RBFOX1: variants seen among roughly 807,000 people sequenced by gnomAD.
RBFOX1 encodes the protein RNA binding protein fox-1 homolog 1.
Under a neutral mutation model 57.7 loss-of-function variants are expected in RBFOX1, and 8 were observed. That is an observed-to-expected ratio of 0.14 (90% CI 0.08 to 0.25). The LOEUF is 0.25. RBFOX1 is among the 10% of genes least tolerant of loss of function. The pLI is 1.00. For synonymous variants in RBFOX1, 326 were observed against 222.4 expected (o/e 1.47, Z -4.15); for missense variants, 611 against 548.5 (o/e 1.11, Z -1.14).
In RBFOX1 at chr16:6,826,245, C is replaced by A. The variant is rs2092120953; in HGVS notation, c.-16+171595C>A. On this transcript the variant is annotated intron_variant, in intron 3 of 15. Coordinates refer to ENST00000550418, the MANE Select transcript of RBFOX1 (RefSeq NM_018723.4). ...GCTTAGAACAGACTGAGTGTGGTGC[C>A]TTGTACCTGTAATCCCAGCACTTTG... Among the ~76,000 whole-genome samples, 6 of 152,224 alleles carry A rather than the reference C, an allele frequency of 3.9e-5. No homozygotes were observed. The South Asian group carries it at 1.2e-3, about 32-fold the overall frequency.
intron 5 of RBFOX1, among the ~76,000 whole-genome samples, chr16:7,574,050 G>A (rs1008250791): frequency 2.6e-5 from 4 of 151,966 alleles, no homozygotes; most frequent in African/African-American, 4.8e-5. Context: ...TTGTCATAAC[G>A]TTCAGCAAGC....
intron 3 of RBFOX1, chr16:5,610,666 A>G (rs7205762): frequency 0.96 from 146,163 of 152,010 alleles, 70,292 homozygotes; most frequent in East Asian, 1. Context: ...ACATAGGGAT[A>G]CTTTGTCTCT....
intron 3 of RBFOX1, among the ~76,000 whole-genome samples, chr16:6,901,358 G>A (rs2068442176): frequency 6.6e-6 from 1 of 152,104 alleles, no homozygotes; most frequent in African/African-American, 2.4e-5. Context: ...GTCCCACCTA[G>A]CAAGGCCAGG....
chr16:6,370,925 A>G (rs12325024), intron 2 of RBFOX1, among the ~76,000 whole-genome samples: 132,999 of 152,244 alleles, frequency 0.87, 58,533 homozygotes, highest in African/African-American at 0.97. Flanking sequence ...AGAAAACACA[A>G]GGCAGTTATT....
chr16:5,464,419 A>G (rs1476821844), intron 1 of RBFOX1, among the ~76,000 whole-genome samples: 1 of 152,206 alleles, frequency 6.6e-6, no homozygotes, highest in Non-Finnish European at 1.5e-5. Flanking sequence ...GATGTCAGAG[A>G]GGGGACACGA....
chr16:6,298,281 G>C (rs1437274268), intron 1 of RBFOX1, among the ~76,000 whole-genome samples: 1 of 152,176 alleles, frequency 6.6e-6, no homozygotes, highest in Non-Finnish European at 1.5e-5. Flanking sequence ...GTCTGTGAAT[G>C]CAGTTCTACT....
chr16:7,308,987 A>G lies in RBFOX1; in HGVS notation c.28-209160A>G, dbSNP rs143341350. ...TTAATCCCGTGTTGATTTATTAGAT[A>G]GTGCTATGGATTGGGGGTGGTCGAT... is the stretch of plus-strand genomic sequence containing the variant. On this transcript the variant is annotated intron_variant, in intron 4 of 15. Coordinates refer to ENST00000550418, the MANE Select transcript of RBFOX1 (RefSeq NM_018723.4). Among the ~76,000 whole-genome samples the G allele has an allele frequency of 7.4e-4, 113 of 152,316 alleles. 3 individuals carry two copies. Among genetic ancestry groups the G allele is most frequent in the African/African-American group, 2.5e-3 (105 of 41,576 alleles).
intron 4 of RBFOX1, among the ~76,000 whole-genome samples, chr16:7,445,021 TTC>T: frequency 6.6e-6 from 1 of 152,236 alleles, no homozygotes; most frequent in South Asian, 2.1e-4. Flanking sequence ...GTTTTTTTTT[TTC>T]TTCTTTTTTT....
intron 3 of RBFOX1, among the ~76,000 whole-genome samples, chr16:7,014,269 G>A (rs866375429): frequency 6.6e-6 from 1 of 152,072 alleles, no homozygotes; most frequent in African/African-American, 2.4e-5. Flanking sequence ...GGAGTGTGCA[G>A]TGGCATGATT....
At chr16:6,492,888 T>A (rs763336640) in intron 2 of RBFOX1, among the ~76,000 whole-genome samples, 5 of 152,192 alleles carry the variant, frequency 3.3e-5, no homozygotes, top group African/African-American at 7.2e-5. Context: ...TGCAATTGTT[T>A]TACATAGAGG....
intron 4 of RBFOX1, among the ~76,000 whole-genome samples, chr16:7,381,908 C>T (rs1333055384): frequency 6.6e-6 from 1 of 152,140 alleles, no homozygotes; most frequent in Admixed American, 6.5e-5. Flanking sequence ...CTGTAGTTCT[C>T]CCCACACTGT....
chr16:6,941,702 T>C (rs1246310017), intron 3 of RBFOX1, among the ~76,000 whole-genome samples: 1 of 152,014 alleles, frequency 6.6e-6, no homozygotes, highest in East Asian at 1.9e-4. Context: ...TTAGGAAAGG[T>C]GGATAGACAG....
intron 2 of RBFOX1, among the ~76,000 whole-genome samples, chr16:5,554,341 A>G (rs79365120): frequency 0.049 from 7,396 of 152,286 alleles, 196 homozygotes; most frequent in East Asian, 0.1. Flanking sequence ...TGCGAAAGTT[A>G]TAAAACTGGT....
At chr16:6,890,715 T>A (rs1444106692) in intron 3 of RBFOX1, among the ~76,000 whole-genome samples, 2 of 152,196 alleles carry the variant, frequency 1.3e-5, no homozygotes, top group Non-Finnish European at 2.9e-5. Flanking sequence ...AATAGCATAT[T>A]CCAAGTGGAG....
At chr16:7,259,253 C>A (rs551923211) in intron 4 of RBFOX1, among the ~76,000 whole-genome samples, 2 of 152,286 alleles carry the variant, frequency 1.3e-5, no homozygotes, top group South Asian at 4.1e-4. Context: ...GGAAGGAAGG[C>A]TTTCGCTAGT....
chr16:7,034,780 A>T lies in RBFOX1; in HGVS notation c.-15-17277A>T, dbSNP rs1328108303. 4.7e-5 allele frequency among the ~76,000 whole-genome samples: 7 copies of T among 147,632 alleles called. No individual in the cohort carries two copies. In the East Asian group the frequency reaches 8.0e-4, roughly 17 times the overall value. On this transcript the variant is annotated intron_variant, in intron 3 of 15. Coordinates refer to ENST00000550418, the MANE Select transcript of RBFOX1 (RefSeq NM_018723.4). Reference sequence around the variant, plus strand: ...TTGGGGGAGGGGTCTCAGAAAATGCAATTTCTAATTCACTTGGTCTGGGGT... The same window carrying T: ...TTGGGGGAGGGGTCTCAGAAAATGCTATTTCTAATTCACTTGGTCTGGGGT...
intron 4 of RBFOX1, among the ~76,000 whole-genome samples, chr16:7,134,694 C>A (rs988900215): frequency 6.6e-6 from 1 of 152,170 alleles, no homozygotes; most frequent in Non-Finnish European, 1.5e-5. Flanking sequence ...ACTTAGAAAT[C>A]CTGACTGTGA....
intron 4 of RBFOX1, among the ~76,000 whole-genome samples, chr16:5,954,257 A>G (rs1318483563): frequency 6.6e-6 from 1 of 152,126 alleles, no homozygotes; most frequent in Admixed American, 6.5e-5. Context: ...TGGCCTTGTG[A>G]CAGACCCCCA....
At chr16:6,737,910 T>C (rs1429865324) in intron 3 of RBFOX1, among the ~76,000 whole-genome samples, 2 of 152,166 alleles carry the variant, frequency 1.3e-5, no homozygotes, top group East Asian at 1.9e-4. Context: ...CTAAGTTACA[T>C]TTAAAAATTT....
Sources: gnomAD v4.1 joint callset for allele counts (sites outside exome capture counted in the v4.1 genomes callset) on GRCh38, gnomAD v4.1.1 for gene constraint, MANE v1.5 for transcripts, NCBI Gene and HGNC (gene_info 2026-07-23, HGNC 2026-07-21) for gene names.